MYO6: variants seen among roughly 807,000 people sequenced by gnomAD.
The protein encoded by MYO6 is unconventional myosin-VI.
MYO6 carries 74 observed loss-of-function variants against 178.7 expected under a neutral mutation model. The observed-to-expected ratio is 0.41, with a 90% CI of 0.34 to 0.50. The LOEUF is 0.50. MYO6 is among the 20% of genes least tolerant of loss of function. MYO6 has a pLI of 0.09. For synonymous variants in MYO6, 477 were observed against 504.6 expected (o/e 0.95, Z 0.73); for missense variants, 1,330 against 1,547.4 (o/e 0.86, Z 2.36).
chr6:75,895,849 C>G (rs972336156), intron 29 of MYO6, among the ~76,000 whole-genome samples: 8 of 151,948 alleles, frequency 5.3e-5, no homozygotes, highest in African/African-American at 1.5e-4. Context: ...TGCCCCTTAC[C>G]TTACTTCTTT....
chr6:75,809,911 A>C lies in MYO6; in HGVS notation c.-47-7590A>C, dbSNP rs568474761. 1.0e-3 allele frequency among the ~76,000 whole-genome samples: 150 copies of C among 149,268 alleles called. 1 individual carries two copies. The highest frequency in any genetic ancestry group is 6.8e-3 in the Middle Eastern group (2 of 294). ...AACCTTGTCTCTGCTAAAAAAAAAA[A>C]AAAAACAAAAAAAAAAGCAAAAATT... On this transcript the variant is annotated intron_variant, in intron 1 of 34. Transcript: ENST00000369977.
chr6:75,909,739 A>T (rs1431589691), intron 32 of MYO6, among the ~76,000 whole-genome samples: 1 of 152,194 alleles, frequency 6.6e-6, no homozygotes, highest in Admixed American at 6.5e-5. Flanking sequence ...AGCAGATTCA[A>T]TATTTTGTGT....
chr6:75,840,412 C>T (rs1034887110), intron 7 of MYO6, among the ~76,000 whole-genome samples, 173 bp from the exon 8 acceptor site: 11 of 152,066 alleles, frequency 7.2e-5, no homozygotes, highest in Admixed American at 2.0e-4. Context: ...CCACCTGCCT[C>T]GGCCTCCCAA....
At chr6:75,883,061 A>G (rs1259037083) in intron 23 of MYO6, among the ~76,000 whole-genome samples, 2 of 152,212 alleles carry the variant, frequency 1.3e-5, no homozygotes, top group Non-Finnish European at 2.9e-5. Flanking sequence ...CTGTTCATTG[A>G]TTAAGTTTCA....
At chr6:75,859,172 G>A (rs1020250176) in intron 14 of MYO6, among the ~76,000 whole-genome samples, 179 bp downstream of exon 14, 3 of 152,148 alleles carry the variant, frequency 2.0e-5, no homozygotes, top group Non-Finnish European at 2.9e-5. Context: ...AAGTGTTAAT[G>A]GTTCAGCTGA....
intron 34 of MYO6, 63 bp downstream of exon 34, chr6:75,914,344 A>G: frequency 1.4e-6 from 2 of 1,453,482 alleles, no homozygotes; most frequent in East Asian, 2.3e-5. Context: ...TCTCTGAATG[A>G]AACATTCTAA....
At chr6:75,791,220 AC>A (rs1261783401) in intron 1 of MYO6, among the ~76,000 whole-genome samples, 3 of 152,234 alleles carry the variant, frequency 2.0e-5, no homozygotes, top group African/African-American at 7.2e-5. Context: ...GGTGTGAGCC[AC>A]CGTGCCCGGC....
intron 1 of MYO6, among the ~76,000 whole-genome samples, chr6:75,782,212 T>C (rs1300309014): frequency 6.6e-6 from 1 of 152,170 alleles, no homozygotes; most frequent in Non-Finnish European, 1.5e-5. Context: ...AATTTAATGA[T>C]AGACCAAAAT....
At chr6:75,758,058 C>G (rs764515140) in intron 1 of MYO6, among the ~76,000 whole-genome samples, 6 of 144,934 alleles carry the variant, frequency 4.1e-5, no homozygotes, top group African/African-American at 7.6e-5. Flanking sequence ...GCTCACCACA[C>G]CTTCTGCCTC....
intron 1 of MYO6, among the ~76,000 whole-genome samples, chr6:75,796,984 T>C (rs564449570): frequency 1.7e-3 from 252 of 152,344 alleles, no homozygotes; most frequent in South Asian, 3.7e-3. Context: ...ATCCAGTCCA[T>C]TGTTTATGGA....
Position 75,787,722 on chromosome 6 carries a change from CTCTCTCTCTATA to C in MYO6, c.-47-29777_-47-29766del, listed in dbSNP as rs1218548694. Among the ~76,000 whole-genome samples, 199 of 29,036 alleles carry C rather than the reference CTCTCTCTCTATA, an allele frequency of 6.9e-3. 1 individual carries two copies. The highest frequency in any genetic ancestry group is 8.8e-3 in the Non-Finnish European group (140 of 15,876). 19.0% of individuals were successfully genotyped at this position (29,036 alleles called of 152,430 possible). A position where few individuals can be genotyped will look rare whatever the true frequency, so the allele number is the denominator to read the frequency against. On this transcript the variant is annotated intron_variant, in intron 1 of 34. Transcript: ENST00000369977. ...TCTCTCTCTCTCTCTCTCTCTCTCT[CTCTCTCTCTATA>C]TATATATATATATATATATATATAT... is the stretch of plus-strand genomic sequence containing the variant.
chr6:75,851,312 G>C (rs1775244199), intron 11 of MYO6, among the ~76,000 whole-genome samples: 1 of 152,088 alleles, frequency 6.6e-6, no homozygotes, highest in Non-Finnish European at 1.5e-5. Context: ...CAGAAATCAG[G>C]GAAGATTGGA....
At chr6:75,771,447 A>AGTTGTTCCTCATCAAAACT (rs1254078176) in intron 1 of MYO6, among the ~76,000 whole-genome samples, 1 of 152,204 alleles carries the variant, frequency 6.6e-6, no homozygotes, top group African/African-American at 2.4e-5. Context: ...ATTTATCTGT[A>AGTTGTTCCTCATCAAAACT]GTTGTTCCTC....
chr6:75,758,425 G>A (rs1472553782), intron 1 of MYO6, among the ~76,000 whole-genome samples: 1 of 151,778 alleles, frequency 6.6e-6, no homozygotes, highest in Non-Finnish European at 1.5e-5. Flanking sequence ...GTTAAATTTC[G>A]CACCTAAATT....
At chr6:75,782,542 A>G (rs1265160336) in intron 1 of MYO6, among the ~76,000 whole-genome samples, 1 of 152,144 alleles carries the variant, frequency 6.6e-6, no homozygotes, top group Admixed American at 6.5e-5. Flanking sequence ...ACGGATCTCT[A>G]ATTTCTTCCT....
chr6:75,856,829 G>A (rs1194212985), intron 12 of MYO6, among the ~76,000 whole-genome samples: 1 of 152,052 alleles, frequency 6.6e-6, no homozygotes, highest in East Asian at 1.9e-4. Context: ...AATTTTGTAT[G>A]TATTCAGGAT....
intron 2 of MYO6, 69 bp downstream of exon 2, chr6:75,817,733 A>G (rs2150167981): frequency 6.0e-6 from 8 of 1,327,650 alleles, no homozygotes; most frequent in Non-Finnish European, 8.7e-6. Context: ...CACAAGAGTA[A>G]GGTCTGTCTT....
chr6:75,914,371 T>A, intron 34 of MYO6, 90 bp downstream of exon 34: 1 of 1,304,548 alleles, frequency 7.7e-7, no homozygotes, highest in Admixed American at 1.9e-5. Context: ...ATATAATAAT[T>A]TATTACATTT....
intron 1 of MYO6, among the ~76,000 whole-genome samples, chr6:75,785,585 G>T (rs939692164): frequency 1.3e-5 from 2 of 150,462 alleles, no homozygotes; most frequent in Non-Finnish European, 3.0e-5. Context: ...CGATCGTCCC[G>T]TGGAGCTAGG....
Sources: allele counts gnomAD v4.1 joint callset (sites outside exome capture counted in the v4.1 genomes callset), GRCh38; gene constraint gnomAD v4.1.1; transcripts MANE v1.5; gene names NCBI Gene and HGNC (gene_info 2026-07-23, HGNC 2026-07-21).